KLHL29: variants seen among roughly 807,000 people sequenced by gnomAD.
KLHL29 encodes kelch-like protein 29.
KLHL29 carries 21 observed loss-of-function variants against 80.4 expected under a neutral mutation model. The observed-to-expected ratio is 0.26, with a 90% CI of 0.19 to 0.38. The LOEUF (loss-of-function observed/expected upper bound fraction) is 0.38. KLHL29 is among the 10% of genes least tolerant of loss of function. The pLI, the probability that KLHL29 is intolerant of heterozygous loss-of-function variation, is 1.00. For synonymous variants in KLHL29, 511 were observed against 526.8 expected, an observed-to-expected ratio of 0.97 and a Z score of 0.41; for missense variants, 867 against 1,223.9, an observed-to-expected ratio of 0.71 and a Z score of 4.35.
At chr2:23,575,887 C>T (rs1667830191) in intron 3 of KLHL29, among the ~76,000 whole-genome samples, 1 of 152,240 alleles carries the variant, frequency 6.6e-6, no homozygotes, top group Non-Finnish European at 1.5e-5. Context: ...GGCAGATAGA[C>T]TCCCTGGTGG....
intron 5 of KLHL29, among the ~76,000 whole-genome samples, chr2:23,660,233 A>G (rs1443832746): frequency 3.3e-5 from 5 of 152,178 alleles, no homozygotes; most frequent in Non-Finnish European, 7.4e-5. Context: ...CCCCTGCCTC[A>G]CCAACTGAAA....
At chr2:23,672,249 C>G (rs1670786130) in intron 5 of KLHL29, 1 of 152,436 alleles carries the variant, frequency 6.6e-6, no homozygotes, top group Admixed American at 6.5e-5. Flanking sequence ...GTGACATGGC[C>G]CAGATCCCCC....
rs531393479 is a variant in KLHL29, at chr2:23,475,915, T to C, written c.-46+248T>C. 1.1e-4 allele frequency among the ~76,000 whole-genome samples: 16 copies of C among 152,368 alleles called. No homozygotes were observed. The East Asian group carries it at 3.1e-3, about 29-fold the overall frequency. On this transcript the variant is annotated intron_variant, in intron 2 of 13. Coordinates refer to ENST00000486442, the MANE Select transcript of KLHL29 (RefSeq NM_052920.2). ...ATATCTATGACTCTTTTTGTTGTTGTCCAGCCCAGGCTGGAGCGCAGTGGC... is the reference window on the plus strand; with the variant it reads ...ATATCTATGACTCTTTTTGTTGTTGCCCAGCCCAGGCTGGAGCGCAGTGGC...
intron 2 of KLHL29, among the ~76,000 whole-genome samples, chr2:23,540,453 T>G (rs1666799811): frequency 6.6e-6 from 1 of 152,240 alleles, no homozygotes; most frequent in Non-Finnish European, 1.5e-5. Context: ...CTGGTCCACA[T>G]TGTCCTTTCC....
At chr2:23,567,932 C>T (rs1388153463) in intron 3 of KLHL29, among the ~76,000 whole-genome samples, 1 of 152,210 alleles carries the variant, frequency 6.6e-6, no homozygotes, top group African/African-American at 2.4e-5. Flanking sequence ...GATAACACAA[C>T]CTGTGCATGT....
At chr2:23,666,386 ACTAGGGCAGTGTGCC>A (rs540122930) in intron 5 of KLHL29, among the ~76,000 whole-genome samples, 83 of 152,332 alleles carry the variant, frequency 5.4e-4, no homozygotes, top group Non-Finnish European at 1.1e-3. Context: ...CCAGGCAGCA[ACTAGGGCAGTGTGCC>A]CAGCCTCGGC....
At chr2:23,482,821 GCTCA>G (rs1203432127) in intron 2 of KLHL29, among the ~76,000 whole-genome samples, 2 of 146,604 alleles carry the variant, frequency 1.4e-5, no homozygotes, top group African/African-American at 2.5e-5. Flanking sequence ...GTGTTGCAAC[GCTCA>G]CTCATTCATT....
chr2:23,591,275 C>T (rs1308529502), intron 3 of KLHL29, among the ~76,000 whole-genome samples: 4 of 152,150 alleles, frequency 2.6e-5, no homozygotes, highest in Admixed American at 6.5e-5. Flanking sequence ...TGTATCTCTC[C>T]GGCTGCCCTG....
chr2:23,613,743 G>A (rs1317952733), intron 3 of KLHL29, among the ~76,000 whole-genome samples: 4 of 122,358 alleles, frequency 3.3e-5, no homozygotes, highest in East Asian at 4.7e-4. Flanking sequence ...CAGCCTGGGC[G>A]GCAGGGCAAG....
At chr2:23,654,417 T>C (rs1186605833) in intron 5 of KLHL29, among the ~76,000 whole-genome samples, 1 of 151,928 alleles carries the variant, frequency 6.6e-6, no homozygotes, top group East Asian at 1.9e-4. Context: ...TCTGCTCATG[T>C]GAACAGGCAG....
chr2:23,628,450 C>G (rs1163362802), intron 3 of KLHL29, among the ~76,000 whole-genome samples: 1 of 152,094 alleles, frequency 6.6e-6, no homozygotes, highest in Non-Finnish European at 1.5e-5. Flanking sequence ...CCCCTGGGGT[C>G]GTTGGGAGTC....
At chr2:23,479,515 G>A (rs60425099) in intron 2 of KLHL29, among the ~76,000 whole-genome samples, 69,291 of 151,876 alleles carry the variant, frequency 0.46, 19,444 homozygotes, top group African/African-American at 0.81. Flanking sequence ...TGTTGGTGCC[G>A]CAGGCTTTCC....
chr2:23,485,821 T>C (rs1291929474), intron 2 of KLHL29, among the ~76,000 whole-genome samples: 1 of 152,132 alleles, frequency 6.6e-6, no homozygotes, highest in East Asian at 1.9e-4. Context: ...ATGTGCAAAA[T>C]AGAGATTTTC....
At chr2:23,665,790 C>T (rs762926649) in intron 5 of KLHL29, among the ~76,000 whole-genome samples, 1 of 152,164 alleles carries the variant, frequency 6.6e-6, no homozygotes, top group Non-Finnish European at 1.5e-5. Flanking sequence ...GACGGAGAGG[C>T]CTCTCATGAC....
chr2:23,675,451 A>G (rs143624146), intron 5 of KLHL29, among the ~76,000 whole-genome samples: 1,548 of 151,938 alleles, frequency 0.01, 27 homozygotes, highest in African/African-American at 0.034. Flanking sequence ...GTACCCCTTG[A>G]CTCCTACTCT....
intron 1 of KLHL29, among the ~76,000 whole-genome samples, chr2:23,401,296 A>T (rs1666593461): frequency 6.6e-6 from 1 of 152,178 alleles, no homozygotes; most frequent in Non-Finnish European, 1.5e-5. Context: ...AAAAGTATTT[A>T]TGCCGGTTTC....
chr2:23,645,754 A>G (rs1208906556), intron 5 of KLHL29, among the ~76,000 whole-genome samples: 1 of 152,198 alleles, frequency 6.6e-6, no homozygotes, highest in Non-Finnish European at 1.5e-5. Flanking sequence ...CTTCTGATCG[A>G]CTGAGCTCAA....
chr2:23,605,028 C>G (rs10167382), intron 3 of KLHL29, among the ~76,000 whole-genome samples: 1 of 151,774 alleles, frequency 6.6e-6, no homozygotes, highest in African/African-American at 2.4e-5. Flanking sequence ...CAGGCCTGAT[C>G]TGACCTGCCA....
Position 23,476,333 on chromosome 2 carries a change from C to T in KLHL29, c.-46+666C>T, listed in dbSNP as rs147987240. 3.7e-3 allele frequency among the ~76,000 whole-genome samples: 567 copies of T among 151,986 alleles called. 1 individual carries two copies. The highest frequency in any genetic ancestry group is 0.012 in the African/African-American group (517 of 41,410). On this transcript the variant is annotated intron_variant, in intron 2 of 13. Transcript: ENST00000486442. ...GGTATTAAAATGTATTATTAAATAT[C>T]ATGAAAATATTATTTATTCATTATA...
Sources: gnomAD v4.1 joint callset for allele counts (sites outside exome capture counted in the v4.1 genomes callset) on GRCh38, gnomAD v4.1.1 for gene constraint, MANE v1.5 for transcripts, NCBI Gene and HGNC (gene_info 2026-07-23, HGNC 2026-07-21) for gene names.